The following FAM83A variants were observed in gnomAD, a reference collection of about 807,000 sequenced individuals.
FAM83A encodes the protein protein FAM83A.
Under a neutral mutation model 24.4 loss-of-function variants are expected in FAM83A, and 21 were observed. That is an observed-to-expected ratio of 0.86 (90% CI 0.61 to 1.24). The LOEUF (loss-of-function observed/expected upper bound fraction) is 1.24, where lower values mean the gene tolerates loss of function less well. Ranked by LOEUF, FAM83A falls within the 50% of genes most tolerant of loss-of-function variation. FAM83A has a pLI of 0.00. For missense variants in FAM83A, 617 were observed against 579.8 expected, an observed-to-expected ratio of 1.06 and a Z score of -0.66; for synonymous variants, 270 against 252.4, an observed-to-expected ratio of 1.07 and a Z score of -0.66.
intron 1 of FAM83A, among the ~76,000 whole-genome samples, chr8:123,187,691 TCAA>T (rs1415093607): frequency 6.6e-6 from 1 of 152,100 alleles, no homozygotes. Flanking sequence ...CTCTTTGAGA[TCAA>T]CAATAATTTT....
exon 4 of FAM83A, chr8:123,208,945 C>G (rs1389781771): frequency 6.2e-6 from 6 of 961,722 alleles, no homozygotes; most frequent in Non-Finnish European, 7.3e-6. Context: ...GCATGGGCAA[C>G]AAAGCAAGAC....
intron 3 of FAM83A, among the ~76,000 whole-genome samples, chr8:123,203,481 G>A (rs755849218): frequency 6.6e-6 from 1 of 151,460 alleles, no homozygotes. Context: ...CCAACTACTC[G>A]GGAGGCTGAG....
chr8:123,204,886 A>T (rs926142214), intron 3 of FAM83A, among the ~76,000 whole-genome samples: 6 of 152,004 alleles, frequency 3.9e-5, no homozygotes, highest in Admixed American at 1.3e-4. Context: ...GGCCGAGGCA[A>T]GTGGATCACA....
At chr8:123,193,697 C>G (rs77127868) in intron 2 of FAM83A, among the ~76,000 whole-genome samples, 1 of 152,210 alleles carries the variant, frequency 6.6e-6, no homozygotes, top group Non-Finnish European at 1.5e-5. Context: ...AGGCTGGGAA[C>G]TCCAAGATCA....
At chr8:123,193,419 T>C (rs1462183887) in intron 2 of FAM83A, among the ~76,000 whole-genome samples, 1 of 152,176 alleles carries the variant, frequency 6.6e-6, no homozygotes, top group Admixed American at 6.5e-5. Context: ...TTTTCTTTTA[T>C]TTGCTGCCTT....
chr8:123,207,313 C>G, exon 4 of FAM83A: 6 of 1,611,662 alleles, frequency 3.7e-6, no homozygotes, highest in Non-Finnish European at 5.1e-6. Context: ...CCGTCCCGCC[C>G]GGAGCAGCCC....
intron 3 of FAM83A, among the ~76,000 whole-genome samples, chr8:123,206,282 C>T (rs185449372): frequency 1.5e-4 from 23 of 152,290 alleles, no homozygotes; most frequent in Non-Finnish European, 2.6e-4. Context: ...GCCTCGGCCC[C>T]GTGTCTGGGT....
intron 3 of FAM83A, 72 bp from the exon 4 acceptor site, chr8:123,207,057 ACCTCCTCCCTCCCTCTTCCTCCCCTCCC>A: frequency 4.4e-6 from 1 of 225,656 alleles, no homozygotes; most frequent in Non-Finnish European, 5.9e-6. Flanking sequence ...TCCTTCCTCC[ACCTCCTCCCTCCCTCTTCCTCCCCTCCC>A]CCTCCTCCTC....
chr8:123,203,586 CAAAAAAAA>C (rs1187426797), intron 3 of FAM83A, among the ~76,000 whole-genome samples: 5 of 41,180 alleles, frequency 1.2e-4, no homozygotes, highest in African/African-American at 3.6e-4. Context: ...AGATCTGTCT[CAAAAAAAA>C]AAAAAAAAAA....
At chr8:123,200,966 A>G (rs28591237) in intron 3 of FAM83A, among the ~76,000 whole-genome samples, 1 of 144,976 alleles carries the variant, frequency 6.9e-6, no homozygotes, top group Non-Finnish European at 1.5e-5. Flanking sequence ...ACAAAAAAAA[A>G]AAATATATAT....
At chr8:123,182,310 GAGGGGGGCGC>G (rs1823621131), upstream of FAM83A, 3 of 358,872 alleles carry the variant, frequency 8.4e-6, no homozygotes, top group South Asian at 6.1e-5. Flanking sequence ...CTCACACAGA[GAGGGGGGCGC>G]ATCTCAGGGA....
At chr8:123,197,958 T>C (rs758589106) in intron 3 of FAM83A, among the ~76,000 whole-genome samples, 7 of 152,110 alleles carry the variant, frequency 4.6e-5, no homozygotes, top group Non-Finnish European at 1.0e-4. Flanking sequence ...GGTGAAACCC[T>C]GCCTCTATTA....
chr8:123,182,471 C>T, upstream of FAM83A: 1 of 425,240 alleles, frequency 2.4e-6, no homozygotes, highest in South Asian at 1.8e-5. Flanking sequence ...AGGCTCCCTG[C>T]TTGGTAACAA....
intron 2 of FAM83A, 55 bp downstream of exon 2, chr8:123,192,025 T>G: frequency 6.4e-7 from 1 of 1,572,916 alleles, no homozygotes; most frequent in Non-Finnish European, 8.7e-7. Context: ...GATAGGATAG[T>G]CTATGCAATA....
At chr8:123,204,974 G>T (rs933663756) in intron 3 of FAM83A, among the ~76,000 whole-genome samples, 1 of 151,512 alleles carries the variant, frequency 6.6e-6, no homozygotes, top group African/African-American at 2.4e-5. Flanking sequence ...TTAGCCAGAT[G>T]TGGTGGTGGG....
At chr8:123,182,238 G>A, upstream of FAM83A, 1 of 406,722 alleles carries the variant, frequency 2.5e-6, no homozygotes. Flanking sequence ...GCACTTGGGT[G>A]TGACCAAGGA....
intron 3 of FAM83A, among the ~76,000 whole-genome samples, chr8:123,203,114 G>A (rs1475081841): frequency 1.3e-5 from 2 of 151,906 alleles, no homozygotes; most frequent in Admixed American, 6.6e-5. Flanking sequence ...TACCCACCAT[G>A]CACGCATTTG....
At chr8:123,182,972 C>G in exon 1 of FAM83A, 1 of 1,610,748 alleles carries the variant, frequency 6.2e-7, no homozygotes, top group African/African-American at 1.3e-5. Flanking sequence ...CGGCTGGCCA[C>G]GGACGCCCTC....
chr8:123,208,399 G>A (rs1475598060), exon 4 of FAM83A: 1 of 985,542 alleles, frequency 1.0e-6, no homozygotes, highest in Non-Finnish European at 1.2e-6. Context: ...GCTTCAAAGA[G>A]CCTTGGGCTG....
Sources: allele counts gnomAD v4.1 joint callset (sites outside exome capture counted in the v4.1 genomes callset), GRCh38; gene constraint gnomAD v4.1.1; transcripts MANE v1.5; gene names NCBI Gene and HGNC (gene_info 2026-07-23, HGNC 2026-07-21).